The following KIF26B variants were observed in gnomAD, a reference collection of about 807,000 sequenced individuals.
The protein encoded by KIF26B is kinesin-like protein KIF26B.
In KIF26B, 63 loss-of-function variants were observed where a neutral mutation model predicts 151.2. The ratio of observed to expected loss-of-function variants is 0.42; its 90% CI spans 0.34 to 0.51. The LOEUF (loss-of-function observed/expected upper bound fraction) is 0.51, where lower values mean the gene tolerates loss of function less well. KIF26B is among the 20% of genes least tolerant of loss of function. The pLI is 0.07. For synonymous variants in KIF26B, 1,357 were observed against 1,262.1 expected (o/e 1.08, Z -1.59); for missense variants, 2,813 against 2,913.6 (o/e 0.97, Z 0.79).
Position 245,602,868 on chromosome 1 carries a change from G to A in KIF26B, c.1557+85G>A. 3.2e-6 allele frequency: 4 copies of A among 1,243,116 alleles called. No homozygotes were observed. Among genetic ancestry groups the A allele is most frequent in the Non-Finnish European group, 4.7e-6 (4 of 849,984 alleles). The allele number at this position is 1,243,116 out of a possible 1,614,324, so 77.0% of individuals were successfully genotyped here. ...TTCACAAGGGCCCTTGAGCTGGGAG[G>A]GTGTCTTCTGGAGCATTCTGATGGA... On this transcript the variant is annotated intron_variant, in intron 6 of 14. Transcript: ENST00000407071. This position sits in a 1 kb window ranked among gnomAD's most constrained non-coding sequence, Gnocchi z 4.5.
chr1:245,678,686 A>G (rs983150921), intron 10 of KIF26B, among the ~76,000 whole-genome samples: 4 of 151,764 alleles, frequency 2.6e-5, no homozygotes, highest in Non-Finnish European at 5.9e-5. Context: ...ACATGGTGAA[A>G]TCCCGTCTCT....
At chr1:245,441,829 G>A (rs548161049) in intron 4 of KIF26B, among the ~76,000 whole-genome samples, 95 of 152,314 alleles carry the variant, frequency 6.2e-4, no homozygotes, top group Middle Eastern at 3.4e-3. Flanking sequence ...AGTCCGTCAA[G>A]GGCCTTTTTT....
chr1:245,337,763 A>G (rs1178217282), intron 2 of KIF26B, among the ~76,000 whole-genome samples: 1 of 152,236 alleles, frequency 6.6e-6, no homozygotes, highest in Non-Finnish European at 1.5e-5. Context: ...TCGAGCAACC[A>G]TAAGTATTTA....
At chr1:245,248,342 G>A (rs1414664338) in intron 2 of KIF26B, among the ~76,000 whole-genome samples, 2 of 152,160 alleles carry the variant, frequency 1.3e-5, no homozygotes, top group Admixed American at 1.3e-4. Context: ...GCATGCCTCC[G>A]CCTGCCCGTG....
chr1:245,209,801 C>CT (rs1480490331), intron 2 of KIF26B, among the ~76,000 whole-genome samples: 1 of 152,190 alleles, frequency 6.6e-6, no homozygotes, highest in Non-Finnish European at 1.5e-5. Flanking sequence ...GAAACAGGGC[C>CT]TGGGGGTCTT....
At position 245,698,813 on chromosome 1, in the gene KIF26B, T is replaced by C; in HGVS notation, c.6028-74T>C. The C allele has an allele frequency of 6.6e-7, 1 of 1,520,434 alleles. No homozygotes were observed. The highest frequency in any genetic ancestry group is 8.9e-7 in the Non-Finnish European group (1 of 1,119,306). The allele number at this position is 1,520,434 out of a possible 1,614,324, so 94.2% of individuals were successfully genotyped here. On this transcript the variant is annotated intron_variant, in intron 13 of 14. Coordinates refer to ENST00000407071, the MANE Select transcript of KIF26B (RefSeq NM_018012.4). The surrounding 1 kb of genome is among the most constrained non-coding windows in gnomAD (Gnocchi z 4.0). Reference sequence around the variant, plus strand: ...AGCCCAGCCTGTTTTCCATCAACGATACTCACAGGTGCTCCTGTGGTGTGG... The same window carrying C: ...AGCCCAGCCTGTTTTCCATCAACGACACTCACAGGTGCTCCTGTGGTGTGG...
chr1:245,625,252 G>C (rs2043710772), intron 9 of KIF26B, among the ~76,000 whole-genome samples: 1 of 151,982 alleles, frequency 6.6e-6, no homozygotes, highest in African/African-American at 2.4e-5. Context: ...AGTGTATTTG[G>C]CATTTCCATA....
intron 4 of KIF26B, among the ~76,000 whole-genome samples, chr1:245,480,993 T>C (rs548955615): frequency 8.3e-6 from 1 of 120,538 alleles, no homozygotes; most frequent in African/African-American, 2.5e-5. Context: ...CAGTGTTTTA[T>C]CTACAATTAT....
At chr1:245,493,488 C>G (rs754492022) in intron 4 of KIF26B, among the ~76,000 whole-genome samples, 15 of 152,208 alleles carry the variant, frequency 9.9e-5, no homozygotes, top group Non-Finnish European at 1.8e-4. Flanking sequence ...TAAACTCTGC[C>G]GTTGACCAGT....
intron 5 of KIF26B, among the ~76,000 whole-genome samples, chr1:245,579,818 A>G (rs936834439): frequency 6.6e-5 from 10 of 151,952 alleles, no homozygotes; most frequent in Non-Finnish European, 1.5e-4. Flanking sequence ...ATTGCACTCC[A>G]GCCTGGGCAA....
At chr1:245,387,672 A>G (rs1347651291) in intron 3 of KIF26B, among the ~76,000 whole-genome samples, 1 of 152,116 alleles carries the variant, frequency 6.6e-6, no homozygotes, top group Non-Finnish European at 1.5e-5. Flanking sequence ...AGCCTAAACA[A>G]CAGAGTGAGA....
Position 245,155,199 on chromosome 1 carries a change from T to C in KIF26B, c.-226T>C. On this transcript the variant is annotated 5_prime_UTR_variant, in exon 1 of 15. It removes an upstream start codon present in the reference 5' UTR. Transcript: ENST00000407071. ...AGGCAGAAGGGGACGAGGAAAAGCATGCTTTGAAGAGAAGAATAAACCAGC... is the reference window on the plus strand; with the variant it reads ...AGGCAGAAGGGGACGAGGAAAAGCACGCTTTGAAGAGAAGAATAAACCAGC... The C allele has an allele frequency of 1.8e-6, 1 of 564,754 alleles. No homozygotes were observed. Among genetic ancestry groups the C allele is most frequent in the Non-Finnish European group, 3.1e-6 (1 of 326,002 alleles). 35.0% of individuals were successfully genotyped at this position (564,754 alleles called of 1,614,324 possible).
chr1:245,452,121 T>A (rs189527086), intron 4 of KIF26B, among the ~76,000 whole-genome samples: 12 of 152,138 alleles, frequency 7.9e-5, no homozygotes, highest in Non-Finnish European at 1.3e-4. Context: ...CAACCCCTGG[T>A]GGCCTCCAAT....
chr1:245,378,368 T>A (rs934969756), intron 3 of KIF26B, among the ~76,000 whole-genome samples: 34 of 151,990 alleles, frequency 2.2e-4, no homozygotes, highest in African/African-American at 7.7e-4. Context: ...ATGTGGCTAT[T>A]ATCACCCAAG....
intron 2 of KIF26B, among the ~76,000 whole-genome samples, chr1:245,331,224 G>A (rs1341371233): frequency 6.6e-6 from 1 of 152,110 alleles, no homozygotes; most frequent in East Asian, 1.9e-4. Context: ...TCTTGCCGGA[G>A]GAGGGTGCAC....
At chr1:245,456,272 C>T (rs995712002) in intron 4 of KIF26B, among the ~76,000 whole-genome samples, 3 of 152,124 alleles carry the variant, frequency 2.0e-5, no homozygotes, top group Non-Finnish European at 4.4e-5. Context: ...AATACCTTAT[C>T]GTTGTATATT....
chr1:245,562,146 T>C (rs1475973262), intron 5 of KIF26B, among the ~76,000 whole-genome samples: 1 of 152,130 alleles, frequency 6.6e-6, no homozygotes, highest in Non-Finnish European at 1.5e-5. Flanking sequence ...ACTTCTCAGC[T>C]GTGCTAGTGG....
At chr1:245,377,397 C>T (rs983803396) in intron 3 of KIF26B, among the ~76,000 whole-genome samples, 36 of 152,184 alleles carry the variant, frequency 2.4e-4, no homozygotes, top group Non-Finnish European at 4.4e-4. Flanking sequence ...CCTTGGGTCT[C>T]GCTGTGTCCT....
At chr1:245,160,298 A>G (rs1006498698) in intron 2 of KIF26B, among the ~76,000 whole-genome samples, 3 of 152,230 alleles carry the variant, frequency 2.0e-5, no homozygotes, top group Admixed American at 6.5e-5. Flanking sequence ...GTGGTCGGAT[A>G]AAAGAATGTG....
Sources: allele counts gnomAD v4.1 joint callset (sites outside exome capture counted in the v4.1 genomes callset), GRCh38; gene constraint gnomAD v4.1.1; non-coding constraint Gnocchi (gnomAD v3.1); transcripts MANE v1.5; gene names NCBI Gene and HGNC (gene_info 2026-07-23, HGNC 2026-07-21).